Variants in TMEM135 observed in about 807,000 individuals in gnomAD.
TMEM135 encodes the protein transmembrane protein 135, also known as peroxisomal membrane protein 52.
A neutral mutation model predicts 60.3 loss-of-function variants in TMEM135; 30 were observed. The ratio of observed to expected loss-of-function variants is 0.50; its 90% CI spans 0.37 to 0.68. The LOEUF (loss-of-function observed/expected upper bound fraction) is 0.68, where lower values mean the gene tolerates loss of function less well. Among genes scored for constraint, TMEM135 ranks in the 30% least tolerant of loss-of-function variants. The probability of loss-of-function intolerance (pLI) is 0.00; values close to 1 mark genes in which losing one functional copy is unlikely to be tolerated. For synonymous variants in TMEM135, 190 were observed against 186.7 expected, an observed-to-expected ratio of 1.02 and a Z score of -0.14; for missense variants, 468 against 548.8, an observed-to-expected ratio of 0.85 and a Z score of 1.47.
chr11:87,170,138 G>A (rs1043820789), intron 5 of TMEM135, among the ~76,000 whole-genome samples: 6 of 151,996 alleles, frequency 3.9e-5, no homozygotes, highest in East Asian at 1.9e-4. Context: ...GCTCCATCAG[G>A]TCATTTATTT....
intron 10 of TMEM135, among the ~76,000 whole-genome samples, chr11:87,312,508 T>C (rs1942656710): frequency 6.6e-6 from 1 of 151,912 alleles, no homozygotes; most frequent in South Asian, 2.1e-4. Context: ...ACTTTTTCTG[T>C]GAAGAGCCAG....
At chr11:87,222,621 T>C (rs1318842438) in intron 5 of TMEM135, among the ~76,000 whole-genome samples, 1 of 149,918 alleles carries the variant, frequency 6.7e-6, no homozygotes, top group Non-Finnish European at 1.5e-5. Flanking sequence ...CTGACTAACA[T>C]AGTGAAACCC....
chr11:87,159,617 A>ACACACACACACACACACACCCCCCCC (rs140303858), intron 5 of TMEM135, among the ~76,000 whole-genome samples: 68 of 149,440 alleles, frequency 4.6e-4, no homozygotes, highest in African/African-American at 1.6e-3. Flanking sequence ...ACACACACAC[A>ACACACACACACACACACACCCCCCCC]CCATAGATTT....
At chr11:87,246,381 G>T (rs560275663) in intron 6 of TMEM135, among the ~76,000 whole-genome samples, 5 of 151,510 alleles carry the variant, frequency 3.3e-5, no homozygotes, top group African/African-American at 1.2e-4. Context: ...TGTATTTCCT[G>T]AATCTGAATG....
intron 5 of TMEM135, among the ~76,000 whole-genome samples, chr11:87,212,455 A>C (rs993798526): frequency 2.6e-5 from 4 of 152,196 alleles, no homozygotes; most frequent in Non-Finnish European, 4.4e-5. Flanking sequence ...TTGGTCATTC[A>C]AGAAAGGGAG....
intron 4 of TMEM135, among the ~76,000 whole-genome samples, chr11:87,129,610 G>C (rs1055068457): frequency 1.4e-5 from 2 of 145,418 alleles, no homozygotes; most frequent in African/African-American, 5.2e-5. Flanking sequence ...GGGCAATCTG[G>C]GCTCACTGCA....
rs1487539092 is a variant in TMEM135 at position 87,321,812 on chromosome 11, G to A, written c.*479G>A. The A allele has an allele frequency of 4.4e-6, 2 of 454,494 alleles. No homozygotes were observed. The highest frequency in any genetic ancestry group is 6.9e-5 in the East Asian group (1 of 14,398). 28.2% of individuals were successfully genotyped at this position (454,494 alleles called of 1,614,324 possible). On this transcript the variant is annotated 3_prime_UTR_variant, in exon 15 of 15. Coordinates refer to ENST00000305494, the MANE Select transcript of TMEM135 (RefSeq NM_022918.4). ...GAATTGGTATCTGTAGTAGTGGAAT[G>A]TTATAGATTTGAAGTAACTCTCCAC...
intron 1 of TMEM135, among the ~76,000 whole-genome samples, chr11:87,040,544 C>T (rs1260623316): frequency 1.3e-5 from 2 of 152,056 alleles, no homozygotes; most frequent in African/African-American, 4.8e-5. Context: ...TGCCTGTAAT[C>T]CCAGCTACTC....
chr11:87,072,830 G>C (rs113887931), intron 3 of TMEM135, among the ~76,000 whole-genome samples: 17 of 152,152 alleles, frequency 1.1e-4, no homozygotes, highest in Non-Finnish European at 2.9e-5. Flanking sequence ...TAAAGGTTTT[G>C]CCATAAGAAA....
At chr11:87,148,160 CAAAA>C (rs1214208694) in intron 4 of TMEM135, among the ~76,000 whole-genome samples, 2 of 152,040 alleles carry the variant, frequency 1.3e-5, no homozygotes, top group Non-Finnish European at 2.9e-5. Flanking sequence ...AATAAAAACT[CAAAA>C]GAAAGAGACA....
intron 5 of TMEM135, among the ~76,000 whole-genome samples, chr11:87,195,394 T>G (rs977531830): frequency 1.7e-5 from 2 of 118,734 alleles, no homozygotes; most frequent in East Asian, 4.4e-4. Flanking sequence ...TCCTTCCTTC[T>G]CTCTCTCTCT....
chr11:87,322,340 T>G lies in TMEM135; in HGVS notation c.*1007T>G, dbSNP rs1942836779. 1 of 453,990 alleles carries G rather than the reference T, an allele frequency of 2.2e-6. No individual in the cohort carries two copies. Among genetic ancestry groups the G allele is most frequent in the African/African-American group, 2.0e-5 (1 of 50,086 alleles). 28.1% of individuals were successfully genotyped at this position (453,990 alleles called of 1,614,324 possible). On this transcript the variant is annotated 3_prime_UTR_variant, in exon 15 of 15. Transcript: ENST00000305494. ...TGAAAACACTATAAAAATCCAGTGG[T>G]TGTTTAAAAAGTCCATTTGTCACTA...
chr11:87,237,662 T>A (rs957948832), intron 6 of TMEM135, among the ~76,000 whole-genome samples: 1 of 152,072 alleles, frequency 6.6e-6, no homozygotes, highest in Non-Finnish European at 1.5e-5. Context: ...GATGCTATTA[T>A]CCTTTGTGTT....
chr11:87,068,696 A>G (rs972282121), intron 2 of TMEM135, among the ~76,000 whole-genome samples: 1 of 151,652 alleles, frequency 6.6e-6, no homozygotes, highest in Non-Finnish European at 1.5e-5. Context: ...CTGTAGTCGC[A>G]GCTACTCGGG....
chr11:87,045,571 G>C (rs747303451), intron 1 of TMEM135, among the ~76,000 whole-genome samples: 1 of 152,220 alleles, frequency 6.6e-6, no homozygotes, highest in African/African-American at 2.4e-5. Context: ...GGTAGAAAGA[G>C]ACCCACCTGG....
rs1217218131 is a variant in TMEM135 at position 87,327,472 on chromosome 11, G to A, written c.*6139G>A. The A allele has an allele frequency of 1.5e-5, 7 of 453,930 alleles. No homozygotes were observed. Among genetic ancestry groups the A allele is most frequent in the Admixed American group, 2.4e-5 (1 of 42,530 alleles). The allele number at this position is 453,930 out of a possible 1,614,324, so 28.1% of individuals were successfully genotyped here. A position where few individuals can be genotyped will look rare whatever the true frequency, so the allele number is the denominator to read the frequency against. On this transcript the variant is annotated 3_prime_UTR_variant, in exon 15 of 15. Transcript: ENST00000305494. The stretch of plus-strand genomic sequence containing the variant: ...AGAAAATAAACCTCTATTTCTTAAA[G>A]TTCTGTATCAGTCAGGGTTTCCCAG...
At chr11:87,289,237 T>C (rs1259978102) in intron 6 of TMEM135, among the ~76,000 whole-genome samples, 1 of 152,102 alleles carries the variant, frequency 6.6e-6, no homozygotes, top group Non-Finnish European at 1.5e-5. Flanking sequence ...TATATAGTTA[T>C]TAGATCTGGG....
intron 12 of TMEM135, among the ~76,000 whole-genome samples, chr11:87,316,698 C>T (rs1942737242): frequency 6.6e-6 from 1 of 151,752 alleles, no homozygotes; most frequent in African/African-American, 2.4e-5. Flanking sequence ...CCTTAGGTGG[C>T]AAAAATATAT....
intron 4 of TMEM135, among the ~76,000 whole-genome samples, chr11:87,141,716 A>G (rs497592): frequency 0.48 from 72,233 of 151,906 alleles, 17,472 homozygotes; most frequent in East Asian, 0.67. Flanking sequence ...TTGTCAAATC[A>G]AGGAAGTTTC....
Sources: gnomAD v4.1 joint callset for allele counts (sites outside exome capture counted in the v4.1 genomes callset) on GRCh38, gnomAD v4.1.1 for gene constraint, MANE v1.5 for transcripts, NCBI Gene and HGNC (gene_info 2026-07-23, HGNC 2026-07-21) for gene names.